The following NRG3 variants were observed in gnomAD, a reference collection of about 807,000 sequenced individuals.
NRG3 encodes neuregulin 3, also known as pro-neuregulin-3, membrane-bound isoform.
Under a neutral mutation model 66.9 loss-of-function variants are expected in NRG3, and 31 were observed. The observed-to-expected ratio is 0.46, with a 90% CI of 0.35 to 0.63. NRG3 has a LOEUF of 0.63. Among genes scored for constraint, NRG3 ranks in the 20% least tolerant of loss-of-function variants. The pLI is 0.00. For synonymous variants in NRG3, 393 were observed against 359.4 expected, an observed-to-expected ratio of 1.09 and a Z score of -1.06; for missense variants, 910 against 878.9, an observed-to-expected ratio of 1.04 and a Z score of -0.45.
At chr10:82,565,352 T>G (rs1474871240) in intron 2 of NRG3, among the ~76,000 whole-genome samples, 1 of 152,104 alleles carries the variant, frequency 6.6e-6, no homozygotes, top group Non-Finnish European at 1.5e-5. Flanking sequence ...CTTCCCTGGA[T>G]TCCAACACCA....
intron 2 of NRG3, among the ~76,000 whole-genome samples, chr10:82,386,541 C>T (rs934820689): frequency 6.6e-5 from 10 of 152,122 alleles, no homozygotes; most frequent in African/African-American, 2.4e-4. Flanking sequence ...CAACTCTTCT[C>T]TTCTTATTCC....
chr10:81,933,107 CAAAAAAAAA>C (rs769607380), intron 1 of NRG3, among the ~76,000 whole-genome samples: 1 of 59,524 alleles, frequency 1.7e-5, no homozygotes, highest in Non-Finnish European at 3.9e-5. Context: ...CGCTCCATCT[CAAAAAAAAA>C]AAAAAAAAAG....
chr10:82,970,286 T>G (rs904806584), intron 6 of NRG3, among the ~76,000 whole-genome samples: 14 of 152,320 alleles, frequency 9.2e-5, no homozygotes, highest in Admixed American at 7.2e-4. Context: ...TATCAGATAT[T>G]CTTGAAATTT....
chr10:81,911,603 G>GGTTTT (rs1306854861), intron 1 of NRG3, among the ~76,000 whole-genome samples: 11 of 77,966 alleles, frequency 1.4e-4, no homozygotes, highest in African/African-American at 1.8e-4. Context: ...GCACAGACTT[G>GGTTTT]TTTTTTTTTT....
intron 2 of NRG3, among the ~76,000 whole-genome samples, chr10:82,603,594 C>A (rs1197822289): frequency 6.6e-6 from 1 of 151,970 alleles, no homozygotes; most frequent in South Asian, 2.1e-4. Context: ...ACAGTTTCAC[C>A]TTTGAAAGCC....
At chr10:82,705,648 C>T (rs1591247619) in intron 2 of NRG3, among the ~76,000 whole-genome samples, 2 of 152,114 alleles carry the variant, frequency 1.3e-5, no homozygotes, top group South Asian at 2.1e-4. Context: ...AGTGTTGATT[C>T]GTTATCTGAG....
chr10:82,621,692 T>C (rs949005576), intron 2 of NRG3, among the ~76,000 whole-genome samples: 5 of 152,208 alleles, frequency 3.3e-5, no homozygotes, highest in Non-Finnish European at 5.9e-5. Flanking sequence ...GAGCTGAAGC[T>C]ACCCTTACTA....
intron 3 of NRG3, among the ~76,000 whole-genome samples, chr10:82,856,564 G>C (rs534266577): frequency 7.6e-4 from 115 of 151,954 alleles, no homozygotes; most frequent in Non-Finnish European, 1.1e-3. Flanking sequence ...GGCCAACATG[G>C]GAAAACCCTG....
intron 4 of NRG3, among the ~76,000 whole-genome samples, chr10:82,878,618 G>A (rs913704383): frequency 6.6e-6 from 1 of 152,172 alleles, no homozygotes; most frequent in Non-Finnish European, 1.5e-5. Flanking sequence ...CGAGGAAAGA[G>A]CACTTGATTT....
At chr10:82,611,874 C>T (rs1201866075) in intron 2 of NRG3, among the ~76,000 whole-genome samples, 4 of 152,202 alleles carry the variant, frequency 2.6e-5, no homozygotes, top group Admixed American at 2.0e-4. Context: ...AACTAATTTA[C>T]ACTCCCATCA....
chr10:82,626,995 A>G lies in NRG3; in HGVS notation c.954-111582A>G, dbSNP rs150350135. Reference sequence around the variant, plus strand: ...AAGACAGGAGATCATATATTTAGCTATTTAGCTATTTTTTTTTTTACCATA... The same window carrying G: ...AAGACAGGAGATCATATATTTAGCTGTTTAGCTATTTTTTTTTTTACCATA... On this transcript the variant is annotated intron_variant, in intron 2 of 8. Transcript: ENST00000372141. Among the ~76,000 whole-genome samples the G allele has an allele frequency of 8.6e-3, 1,238 of 144,090 alleles. 11 individuals carry two copies. Among genetic ancestry groups the G allele is most frequent in the Non-Finnish European group, 0.014 (903 of 65,846 alleles). The allele number at this position is 144,090 out of a possible 152,430, so 94.5% of individuals were successfully genotyped here.
chr10:82,818,621 AGT>A (rs2061816783), intron 3 of NRG3, among the ~76,000 whole-genome samples: 1 of 151,444 alleles, frequency 6.6e-6, no homozygotes, highest in Admixed American at 6.6e-5. Context: ...AGGGTGGGGG[AGT>A]CTTTCTTTTT....
intron 1 of NRG3, among the ~76,000 whole-genome samples, chr10:82,074,983 T>C (rs2065011572): frequency 6.6e-6 from 1 of 152,190 alleles, no homozygotes. Flanking sequence ...TCTCCATCAC[T>C]TTTTTTGTGC....
intron 2 of NRG3, among the ~76,000 whole-genome samples, chr10:82,500,344 T>A (rs1844050126): frequency 6.6e-6 from 1 of 152,170 alleles, no homozygotes. Context: ...AAAACCAGAA[T>A]TAGCCTCTGA....
intron 1 of NRG3, among the ~76,000 whole-genome samples, chr10:81,953,079 C>G (rs1400403290): frequency 6.6e-6 from 1 of 152,152 alleles, no homozygotes; most frequent in East Asian, 1.9e-4. Flanking sequence ...CTTAGGGGCT[C>G]ACATTTATTT....
intron 2 of NRG3, among the ~76,000 whole-genome samples, chr10:82,610,303 C>CA (rs74503461): frequency 6.6e-6 from 1 of 152,002 alleles, no homozygotes; most frequent in Admixed American, 6.6e-5. Context: ...TGCAGAGACC[C>CA]TCTTGCCGTG....
intron 2 of NRG3, among the ~76,000 whole-genome samples, chr10:82,508,925 C>A (rs146554208): frequency 1.3e-5 from 2 of 152,308 alleles, no homozygotes; most frequent in Admixed American, 6.5e-5. Context: ...TTTTCTTCAT[C>A]TTTGGGAGTG....
At chr10:82,479,604 CG>C (rs1317782756) in intron 2 of NRG3, among the ~76,000 whole-genome samples, 1 of 133,442 alleles carries the variant, frequency 7.5e-6, no homozygotes, top group Non-Finnish European at 1.5e-5. Context: ...GCAGAGGTTG[CG>C]GTGAGCCGAG....
At chr10:82,207,197 A>AT (rs2133576763) in intron 1 of NRG3, among the ~76,000 whole-genome samples, 1 of 152,296 alleles carries the variant, frequency 6.6e-6, no homozygotes, top group Admixed American at 6.5e-5. Context: ...AATCAATGCA[A>AT]TTGTCCTAGC....
Sources: gnomAD v4.1 joint callset for allele counts (sites outside exome capture counted in the v4.1 genomes callset) on GRCh38, gnomAD v4.1.1 for gene constraint, MANE v1.5 for transcripts, NCBI Gene and HGNC (gene_info 2026-07-23, HGNC 2026-07-21) for gene names.